Variants in ENTREP2 observed in about 807,000 individuals in gnomAD.
ENTREP2 encodes protein ENTREP2.
the ENTREP2 span, among the ~76,000 whole-genome samples, chr15:29,300,240 A>G: frequency 9.2e-6 from 1 of 108,634 alleles, no homozygotes; most frequent in African/African-American, 4.8e-5. Context: ...GGATGGAGAA[A>G]TGGATGGATG....
the ENTREP2 span, among the ~76,000 whole-genome samples, chr15:29,623,640 C>T: frequency 3.9e-5 from 6 of 152,242 alleles, no homozygotes; most frequent in African/African-American, 1.2e-4. Context: ...ATGTTGAGGA[C>T]ACCACAATGT....
chr15:29,305,779 T>C, the ENTREP2 span, among the ~76,000 whole-genome samples: 272 of 152,260 alleles, frequency 1.8e-3, 10 homozygotes, highest in South Asian at 0.054. Flanking sequence ...GACTGGCCAG[T>C]TGGATACATG....
the ENTREP2 span, among the ~76,000 whole-genome samples, chr15:29,584,416 G>C: frequency 1.4e-5 from 2 of 147,086 alleles, no homozygotes; most frequent in Non-Finnish European, 3.0e-5. Flanking sequence ...ATGGATGAAG[G>C]AATTTTTTAA....
the ENTREP2 span, among the ~76,000 whole-genome samples, chr15:29,572,943 G>A: frequency 6.6e-6 from 1 of 151,774 alleles, no homozygotes; most frequent in Admixed American, 6.6e-5. Flanking sequence ...GTGTTCAGAG[G>A]CTGTTACTGT....
chr15:29,139,170 G>A, the ENTREP2 span, among the ~76,000 whole-genome samples: 2 of 152,168 alleles, frequency 1.3e-5, no homozygotes, highest in African/African-American at 2.4e-5. Context: ...CAAGCGCTGT[G>A]AAATAAGCAT....
chr15:29,440,789 G>A, the ENTREP2 span, among the ~76,000 whole-genome samples: 1 of 151,990 alleles, frequency 6.6e-6, no homozygotes, highest in African/African-American at 2.4e-5. Context: ...AGCACCACTG[G>A]CTCCTCCAGG....
At chr15:29,316,451 T>C in the ENTREP2 span, among the ~76,000 whole-genome samples, 1 of 152,176 alleles carries the variant, frequency 6.6e-6, no homozygotes, top group Non-Finnish European at 1.5e-5. Flanking sequence ...AACCAAATTA[T>C]TGGTATCTAT....
chr15:29,543,542 A>AG, the ENTREP2 span, among the ~76,000 whole-genome samples: 65,970 of 151,776 alleles, frequency 0.43, 15,118 homozygotes, highest in African/African-American at 0.59. Flanking sequence ...GCATTTTGGG[A>AG]GCTGAGGTAG....
At chr15:29,635,718 G>A in the ENTREP2 span, among the ~76,000 whole-genome samples, 1 of 152,342 alleles carries the variant, frequency 6.6e-6, no homozygotes, top group South Asian at 2.1e-4. Context: ...TGTTGATGAT[G>A]TGAGACCACA....
At chr15:29,552,777 T>C in the ENTREP2 span, among the ~76,000 whole-genome samples, 1 of 152,288 alleles carries the variant, frequency 6.6e-6, no homozygotes, top group East Asian at 1.9e-4. Context: ...TTAGAATAGT[T>C]AGCAAGTTGA....
the ENTREP2 span, among the ~76,000 whole-genome samples, chr15:29,663,051 G>A: frequency 6.7e-3 from 1,015 of 152,038 alleles, 18 homozygotes; most frequent in African/African-American, 0.023. Context: ...CCGGAATCCC[G>A]TGCCCAGCCC....
At chr15:29,368,337 A>ATATATAT in the ENTREP2 span, among the ~76,000 whole-genome samples, 75 of 146,176 alleles carry the variant, frequency 5.1e-4, no homozygotes, top group East Asian at 4.4e-3. Flanking sequence ...CAAAAAAAAA[A>ATATATAT]ATATATATAT....
chr15:29,437,476 A>C, the ENTREP2 span, among the ~76,000 whole-genome samples: 2 of 152,230 alleles, frequency 1.3e-5, no homozygotes, highest in Non-Finnish European at 2.9e-5. Flanking sequence ...AACACTTCAT[A>C]TAATATTGCA....
chr15:29,231,715 T>C, the ENTREP2 span, among the ~76,000 whole-genome samples: 2 of 152,062 alleles, frequency 1.3e-5, no homozygotes, highest in Non-Finnish European at 2.9e-5. Flanking sequence ...ATAATAAACA[T>C]ATAAAATAAA....
the ENTREP2 span, among the ~76,000 whole-genome samples, chr15:29,568,198 G>A: frequency 1.3e-5 from 2 of 152,242 alleles, no homozygotes; most frequent in Non-Finnish European, 2.9e-5. Context: ...TTGCAGCAAA[G>A]TAAGTTTGAA....
the ENTREP2 span, among the ~76,000 whole-genome samples, chr15:29,262,302 C>T: frequency 3.9e-5 from 6 of 152,174 alleles, no homozygotes; most frequent in African/African-American, 1.2e-4. Flanking sequence ...CTTTCATCTG[C>T]CCCAGTCAGG....
chr15:29,421,049 G>T, the ENTREP2 span, among the ~76,000 whole-genome samples: 2 of 152,174 alleles, frequency 1.3e-5, no homozygotes, highest in East Asian at 3.8e-4. Flanking sequence ...AGGGAACCCG[G>T]GCTGACAGCT....
the ENTREP2 span, among the ~76,000 whole-genome samples, chr15:29,262,842 T>A: frequency 6.6e-6 from 1 of 152,124 alleles, no homozygotes; most frequent in African/African-American, 2.4e-5. Context: ...TAAGCCCTCA[T>A]CCTGTGGGAT....
the ENTREP2 span, among the ~76,000 whole-genome samples, chr15:29,643,315 A>G: frequency 2.0e-5 from 3 of 152,244 alleles, no homozygotes; most frequent in Non-Finnish European, 4.4e-5. Flanking sequence ...AAGTGGACAA[A>G]GGATTAGAAT....
Sources: allele counts gnomAD v4.1 joint callset (sites outside exome capture counted in the v4.1 genomes callset), GRCh38; gene constraint gnomAD v4.1.1; transcripts MANE v1.5; gene names NCBI Gene and HGNC (gene_info 2026-07-23, HGNC 2026-07-21).